Variants in ADAM10 observed in about 807,000 individuals in gnomAD.
ADAM10 encodes the protein ADAM metallopeptidase domain 10, also known as disintegrin and metalloproteinase domain-containing protein 10.
In ADAM10, 17 loss-of-function variants were observed where a neutral mutation model predicts 90.1. The ratio of observed to expected loss-of-function variants is 0.19; its 90% CI spans 0.13 to 0.28. ADAM10 has a LOEUF of 0.28. Ranked by LOEUF, ADAM10 falls within the 10% of genes least tolerant of loss-of-function variation. The probability of loss-of-function intolerance (pLI) is 1.00; values close to 1 mark genes in which losing one functional copy is unlikely to be tolerated. For missense variants in ADAM10, 610 were observed against 914.3 expected, an observed-to-expected ratio of 0.67 and a Z score of 4.29; for synonymous variants, 310 against 298.6, an observed-to-expected ratio of 1.04 and a Z score of -0.40.
At chr15:58,664,297 T>A (rs377274121) in intron 5 of ADAM10, among the ~76,000 whole-genome samples, 3 of 152,156 alleles carry the variant, frequency 2.0e-5, no homozygotes, top group African/African-American at 7.2e-5. Flanking sequence ...GTGTCTCCAA[T>A]TAAACGATAA....
intron 2 of ADAM10, among the ~76,000 whole-genome samples, chr15:58,694,781 C>T (rs1566999389): frequency 6.7e-6 from 1 of 150,058 alleles, no homozygotes; most frequent in Non-Finnish European, 1.5e-5. Flanking sequence ...AAAACACGCA[C>T]TTTTGTTAAG....
chr15:58,674,185 C>T (rs1182739649), intron 4 of ADAM10, among the ~76,000 whole-genome samples: 1 of 152,172 alleles, frequency 6.6e-6, no homozygotes, highest in Non-Finnish European at 1.5e-5. Context: ...TTAATTTATA[C>T]TTCCCAAGAG....
intron 11 of ADAM10, among the ~76,000 whole-genome samples, chr15:58,620,223 C>G (rs1328255088): frequency 6.6e-6 from 1 of 151,968 alleles, no homozygotes; most frequent in African/African-American, 2.4e-5. Flanking sequence ...CCTAGCACTT[C>G]GGGAGGCGAA....
intron 2 of ADAM10, among the ~76,000 whole-genome samples, chr15:58,714,633 C>T (rs1177099798): frequency 6.6e-6 from 1 of 151,952 alleles, no homozygotes; most frequent in African/African-American, 2.4e-5. Context: ...CTACAAGTAA[C>T]TCTAACTCAA....
Position 58,619,967 on chromosome 15 carries a change from G to A in ADAM10, c.1511+1504C>T, listed in dbSNP as rs560795836. On this transcript the variant is annotated intron_variant, in intron 11 of 15. Transcript: ENST00000260408. ...AGCCAAACAGTCAAGAAAAGTGTGC[G>A]ACTTTTTTTTTTAATAGTCAAAGCA... Among the ~76,000 whole-genome samples, 6 of 151,790 alleles carry A rather than the reference G, an allele frequency of 4.0e-5. No individual in the cohort carries two copies. The South Asian group carries it at 1.2e-3, about 32-fold the overall frequency.
rs148863144 is a variant in ADAM10, at chr15:58,648,239, C to T, written c.586-2035G>A. 8.3e-4 allele frequency among the ~76,000 whole-genome samples: 127 copies of T among 152,264 alleles called. 1 individual carries two copies. Among genetic ancestry groups the T allele is most frequent in the African/African-American group, 2.9e-3 (122 of 41,552 alleles). The stretch of plus-strand genomic sequence containing the variant: ...GTATTATAGATGGGTACCAACACTA[C>T]TGAAACAGTGTAACATTTGGGGGAA... On this transcript the variant is annotated intron_variant, in intron 5 of 15. Transcript: ENST00000260408.
chr15:58,644,332 T>G (rs1896494576), intron 6 of ADAM10, among the ~76,000 whole-genome samples: 1 of 151,650 alleles, frequency 6.6e-6, no homozygotes, highest in Non-Finnish European at 1.5e-5. Flanking sequence ...CAGATTCAAG[T>G]GATTCTCCTG....
intron 5 of ADAM10, among the ~76,000 whole-genome samples, chr15:58,662,640 C>A (rs999696222): frequency 2.6e-5 from 4 of 152,164 alleles, no homozygotes; most frequent in African/African-American, 9.7e-5. Context: ...AACCACCACA[C>A]CTGGCCCAAG....
intron 5 of ADAM10, among the ~76,000 whole-genome samples, chr15:58,661,618 C>T (rs961372925): frequency 1.3e-5 from 2 of 151,930 alleles, no homozygotes; most frequent in Admixed American, 1.3e-4. Flanking sequence ...TTGTAACATA[C>T]CCTGGTATGG....
At chr15:58,615,206 G>A (rs989770659) in intron 11 of ADAM10, among the ~76,000 whole-genome samples, 52 of 150,742 alleles carry the variant, frequency 3.4e-4, no homozygotes, top group African/African-American at 1.2e-3. Flanking sequence ...CCCAGGAGGC[G>A]GAGCTTGTGG....
At chr15:58,744,779 G>A (rs1899733493) in intron 1 of ADAM10, among the ~76,000 whole-genome samples, 3 of 152,224 alleles carry the variant, frequency 2.0e-5, no homozygotes, top group African/African-American at 7.2e-5. Flanking sequence ...GGAGGCCAGG[G>A]TTGGAGAATT....
intron 10 of ADAM10, among the ~76,000 whole-genome samples, chr15:58,625,971 G>C (rs12917577): frequency 6.7e-6 from 1 of 149,496 alleles, no homozygotes; most frequent in Admixed American, 6.6e-5. Flanking sequence ...TACATATGGA[G>C]AACAGGGTAG....
intron 4 of ADAM10, among the ~76,000 whole-genome samples, chr15:58,669,976 T>A (rs1193613352): frequency 2.0e-5 from 3 of 152,096 alleles, no homozygotes; most frequent in Non-Finnish European, 4.4e-5. Context: ...AGAGAAGAAT[T>A]ACACTGAAAG....
chr15:58,733,285 G>C (rs768578005), intron 1 of ADAM10: 1 of 151,662 alleles, frequency 6.6e-6, no homozygotes, highest in Non-Finnish European at 1.5e-5. Context: ...CCTACAACTA[G>C]GTGAGTGAAC....
rs1596017231 is a variant in ADAM10 at position 58,638,879 on chromosome 15, AT to A, written c.1012+1897del. ...AACTGTCAGGGGAGGGAGGAAGGAG[AT>A]TTGAGAATACCTAATCTGTTCAATT... On this transcript the variant is annotated intron_variant, in intron 8 of 15. Coordinates refer to ENST00000260408, the MANE Select transcript of ADAM10 (RefSeq NM_001110.4). 3.9e-5 allele frequency among the ~76,000 whole-genome samples: 6 copies of A among 152,268 alleles called. No homozygotes were observed. The East Asian group carries it at 1.2e-3, about 29-fold the overall frequency.
At chr15:58,688,786 A>ATATATATATATATATATATATCTCTC in intron 2 of ADAM10, among the ~76,000 whole-genome samples, 111 of 122,292 alleles carry the variant, frequency 9.1e-4, no homozygotes, top group East Asian at 8.3e-3. Flanking sequence ...ATATATATAT[A>ATATATATATATATATATATATCTCTC]TCTCTCTCTC....
In ADAM10 at chr15:58,682,173, GGTTCT is replaced by G. The variant is rs771653090; in HGVS notation, c.325+18_325+22del. ...TAGAAAAAAAAAAATGGAAGAAAAG[GGTTCT>G]GTTAAGGTCCAACTTACCATAAATA... is the stretch of plus-strand genomic sequence containing the variant. On this transcript the variant is annotated intron_variant, in intron 3 of 15. Coordinates refer to ENST00000260408, the MANE Select transcript of ADAM10 (RefSeq NM_001110.4). The G allele has an allele frequency of 6.2e-7, 1 of 1,608,200 alleles. No individual in the cohort carries two copies. The highest frequency in any genetic ancestry group is 8.5e-7 in the Non-Finnish European group (1 of 1,177,618).
At chr15:58,627,244 T>C (rs1303039214) in intron 10 of ADAM10, among the ~76,000 whole-genome samples, 3 of 152,084 alleles carry the variant, frequency 2.0e-5, no homozygotes, top group Non-Finnish European at 4.4e-5. Flanking sequence ...AATCAGATAG[T>C]GGTTGCCTCT....
At chr15:58,683,297 T>G (rs1897493484) in intron 2 of ADAM10, among the ~76,000 whole-genome samples, 1 of 152,182 alleles carries the variant, frequency 6.6e-6, no homozygotes, top group Non-Finnish European at 1.5e-5. Flanking sequence ...CATATACATG[T>G]TTTGCAGAGT....
Sources: gnomAD v4.1 joint callset for allele counts (sites outside exome capture counted in the v4.1 genomes callset) on GRCh38, gnomAD v4.1.1 for gene constraint, MANE v1.5 for transcripts, NCBI Gene and HGNC (gene_info 2026-07-23, HGNC 2026-07-21) for gene names.